Variants in MTMR9 observed in about 807,000 individuals in gnomAD.
MTMR9 encodes the protein myotubularin-related protein 9.
A neutral mutation model predicts 69.5 loss-of-function variants in MTMR9; 39 were observed. The observed-to-expected ratio is 0.56, with a 90% CI of 0.43 to 0.73. The LOEUF (loss-of-function observed/expected upper bound fraction) is 0.73, where lower values mean the gene tolerates loss of function less well. Ranked by LOEUF, MTMR9 falls within the 30% of genes least tolerant of loss-of-function variation. MTMR9 has a pLI of 0.00. For synonymous variants in MTMR9, 354 were observed against 240.8 expected (o/e 1.47, Z -4.35); for missense variants, 900 against 671.2 (o/e 1.34, Z -3.77).
In MTMR9 at chr8:11,322,716, AG is replaced by A; in HGVS notation, c.1579del (p.Ala527GlnfsTer57). Reference protein sequence around the residue: ...NIIEYNKELQAKVNILRRQLA... With the variant: ...NIIEYNKELQXKVNILRRQLA... ...TCATTGAATATAATAAAGAATTACA[AG>A]CAAAAGTCAATATCCTTCGAAGGCA... is the stretch of plus-strand genomic sequence containing the variant. On this transcript the variant is annotated frameshift_variant, in exon 10 of 10. Coordinates refer to ENST00000221086, the MANE Select transcript of MTMR9 (RefSeq NM_015458.4). LOFTEE classifies it high-confidence loss of function. 3 of 1,614,134 alleles carry A rather than the reference AG, an allele frequency of 1.9e-6. No homozygotes were observed. Among genetic ancestry groups the A allele is most frequent in the Non-Finnish European group, 2.5e-6 (3 of 1,179,994 alleles).
chr8:11,295,318 G>A lies in MTMR9; in HGVS notation c.291+16G>A. 1.5e-6 allele frequency: 2 copies of A among 1,354,090 alleles called. No individual in the cohort carries two copies. Among genetic ancestry groups the A allele is most frequent in the Non-Finnish European group, 2.1e-6 (2 of 949,012 alleles). 83.9% of individuals were successfully genotyped at this position (1,354,090 alleles called of 1,614,324 possible). On this transcript the variant is annotated intron_variant, in intron 2 of 9. Transcript: ENST00000221086. ...TTCCATTGAGGTAAGTATTTTGGAA[G>A]CAAAATCTAATGAAACATAATTTTA...
chr8:11,316,782 T>A lies in MTMR9; in HGVS notation c.1223T>A (p.Leu408His), dbSNP rs1800435613. The A allele has an allele frequency of 6.2e-7, 1 of 1,613,976 alleles. No individual in the cohort carries two copies. Among genetic ancestry groups the A allele is most frequent in the Non-Finnish European group, 8.5e-7 (1 of 1,179,974 alleles). The change falls in exon 8 of 10, where the codon CTT (leucine) becomes CAT (histidine). Residue 408 changes from leucine to histidine, a missense_variant. Coordinates refer to ENST00000221086, the MANE Select transcript of MTMR9 (RefSeq NM_015458.4). ...LLFLDCVWQI[L>H]RQFPCSFEFN... is the part of the protein sequence containing the mutation. ...TTCTTGGACTGCGTGTGGCAGATCC[T>A]TCGTCAGTTTCCCTGTTCTTTTGAG...
intron 1 of MTMR9, among the ~76,000 whole-genome samples, chr8:11,294,524 A>G (rs1799480633): frequency 1.2e-5 from 1 of 80,898 alleles, no homozygotes; most frequent in Non-Finnish European, 2.1e-5. Context: ...TTTTTGAGAC[A>G]GAGTCTCAAC....
downstream of MTMR9, among the ~76,000 whole-genome samples, chr8:11,330,440 G>A (rs1359182739): frequency 2.0e-5 from 3 of 152,020 alleles, no homozygotes; most frequent in Non-Finnish European, 2.9e-5. Flanking sequence ...CATTGAGAAC[G>A]GGCCATGATG....
chr8:11,287,016 AAT>A (rs1295503013), intron 1 of MTMR9, among the ~76,000 whole-genome samples: 1 of 152,214 alleles, frequency 6.6e-6, no homozygotes, highest in African/African-American at 2.4e-5. Context: ...AGGTAAATAA[AAT>A]ATGTTACAGT....
intron 9 of MTMR9, chr8:11,321,398 C>T: frequency 4.4e-6 from 2 of 456,308 alleles, no homozygotes; most frequent in South Asian, 1.5e-5. Flanking sequence ...AAGCCACTGT[C>T]ACATTTAATA....
chr8:11,298,683 A>T, intron 2 of MTMR9: 2 of 837,742 alleles, frequency 2.4e-6, no homozygotes, highest in Non-Finnish European at 2.9e-6. Context: ...CTGCAGTTTG[A>T]ATTATGCTAA....
At chr8:11,303,677 G>T (rs376831013) in intron 3 of MTMR9, among the ~76,000 whole-genome samples, 13 of 152,206 alleles carry the variant, frequency 8.5e-5, no homozygotes, top group Admixed American at 6.5e-4. Flanking sequence ...GGAAATACAA[G>T]TGTGTGCCAC....
At chr8:11,305,372 TAAC>T (rs762470525) in intron 4 of MTMR9, among the ~76,000 whole-genome samples, 9 of 152,224 alleles carry the variant, frequency 5.9e-5, no homozygotes, top group Non-Finnish European at 8.8e-5. Context: ...GAATTTTTCT[TAAC>T]AACTTTACAC....
intron 1 of MTMR9, among the ~76,000 whole-genome samples, chr8:11,291,936 A>C (rs1485011779): frequency 2.6e-5 from 4 of 152,130 alleles, no homozygotes; most frequent in African/African-American, 9.7e-5. Context: ...TTTGAAGTGT[A>C]AACTTTGATG....
chr8:11,336,025 C>G, the MTMR9 span, among the ~76,000 whole-genome samples: 3 of 152,140 alleles, frequency 2.0e-5, no homozygotes, highest in Admixed American at 2.0e-4. Context: ...GTATTACAGA[C>G]AAGGAATGCA....
In MTMR9 at chr8:11,306,619, C is replaced by G. The variant is rs12115113; in HGVS notation, c.809+212C>G. Reference sequence around the variant, plus strand: ...ACATGTATTTGTGATGTACACTGTGCTATTTTGATATACATATACATTGTG... The same window carrying G: ...ACATGTATTTGTGATGTACACTGTGGTATTTTGATATACATATACATTGTG... On this transcript the variant is annotated intron_variant, in intron 5 of 9. Transcript: ENST00000221086. 0.035 allele frequency among the ~76,000 whole-genome samples: 5,398 copies of G among 152,164 alleles called. 348 individuals carry two copies. Among genetic ancestry groups the G allele is most frequent in the African/African-American group, 0.12 (5,174 of 41,496 alleles).
intron 8 of MTMR9, chr8:11,318,525 T>A (rs1800522944): frequency 6.6e-6 from 1 of 152,218 alleles, no homozygotes; most frequent in Non-Finnish European, 1.5e-5. Flanking sequence ...TATAATAAAA[T>A]CTCAGCTTAA....
downstream of MTMR9, among the ~76,000 whole-genome samples, chr8:11,328,683 T>G (rs1200646499): frequency 6.6e-6 from 1 of 152,190 alleles, no homozygotes; most frequent in Non-Finnish European, 1.5e-5. Flanking sequence ...TGAAAATTTG[T>G]GAAGAACAGA....
chr8:11,309,554 C>G lies in MTMR9; in HGVS notation c.837C>G (p.Ile279Met). The change falls in exon 6 of 10, where the codon ATC becomes ATG. Residue 279 changes from isoleucine to methionine, a missense_variant. Ile to Met is a conservative substitution (Grantham distance 10, BLOSUM62 1). Coordinates refer to ENST00000221086, the MANE Select transcript of MTMR9 (RefSeq NM_015458.4). The part of the protein sequence containing the change: ...ERYHILQESL[I>M]KLVEACNDQT... The stretch of plus-strand genomic sequence containing the variant: ...ATCACATTCTTCAGGAGAGCTTAAT[C>G]AAACTTGTGGAAGCTTGTAATGACC... 1 of 1,613,576 alleles carries G rather than the reference C, an allele frequency of 6.2e-7. No individual in the cohort carries two copies. Among genetic ancestry groups the G allele is most frequent in the South Asian group, 1.1e-5 (1 of 91,028 alleles).
rs1799080377 is a variant in MTMR9, at chr8:11,284,825, C to T, written c.-64C>T. The T allele has an allele frequency of 4.1e-6, 6 of 1,463,912 alleles. No individual in the cohort carries two copies. The highest frequency in any genetic ancestry group is 3.7e-6 in the Non-Finnish European group (4 of 1,086,544). 90.7% of individuals were successfully genotyped at this position (1,463,912 alleles called of 1,614,324 possible). ...CGCGCCGGGTGTTTCCGCTACTTCCCTGCGGCGGGGTAACCGCCTCGCACC... is the reference window on the plus strand; with the variant it reads ...CGCGCCGGGTGTTTCCGCTACTTCCTTGCGGCGGGGTAACCGCCTCGCACC... On this transcript the variant is annotated 5_prime_UTR_variant, in exon 1 of 10. Transcript: ENST00000221086.
chr8:11,305,161 G>A (rs1042348668), intron 4 of MTMR9, 147 bp downstream of exon 4: 1 of 733,054 alleles, frequency 1.4e-6, no homozygotes, highest in African/African-American at 1.8e-5. Flanking sequence ...AAGCTTTAGG[G>A]AATCAGGAGT....
chr8:11,301,069 C>T (rs149656635), intron 3 of MTMR9, among the ~76,000 whole-genome samples: 201 of 152,252 alleles, frequency 1.3e-3, no homozygotes, highest in African/African-American at 4.6e-3. Context: ...AAGTAGCAGG[C>T]TGGATTTGGC....
intron 5 of MTMR9, among the ~76,000 whole-genome samples, chr8:11,309,063 C>A (rs1304338068): frequency 6.6e-6 from 1 of 152,156 alleles, no homozygotes; most frequent in Non-Finnish European, 1.5e-5. Flanking sequence ...CTTGTTTGTA[C>A]TGTAAAAGAG....
Sources: allele counts gnomAD v4.1 joint callset (sites outside exome capture counted in the v4.1 genomes callset), GRCh38; gene constraint gnomAD v4.1.1; transcripts MANE v1.5; gene names NCBI Gene and HGNC (gene_info 2026-07-23, HGNC 2026-07-21).